Variants in ARHGEF12 observed in about 807,000 individuals in gnomAD.
The protein encoded by ARHGEF12 is KMT2A/ARHGEF12 fusion protein.
ARHGEF12 carries 66 observed loss-of-function variants against 211.2 expected under a neutral mutation model. The observed-to-expected ratio is 0.31, with a 90% confidence interval of 0.26 to 0.38. The LOEUF is 0.38. Ranked by LOEUF, ARHGEF12 falls within the 10% of genes least tolerant of loss-of-function variation. ARHGEF12 has a pLI of 1.00. For synonymous variants in ARHGEF12, 592 were observed against 638.4 expected (o/e 0.93, Z 1.09); for missense variants, 1,429 against 1,869.5 (o/e 0.76, Z 4.34).
chr11:120,483,567 G>A (rs1220946458), intron 39 of ARHGEF12, among the ~76,000 whole-genome samples: 2 of 151,674 alleles, frequency 1.3e-5, no homozygotes, highest in African/African-American at 4.8e-5. Context: ...GGGATTACAG[G>A]TGCCCGCCAC....
intron 8 of ARHGEF12, among the ~76,000 whole-genome samples, chr11:120,429,176 G>A (rs1945449987): frequency 6.6e-6 from 1 of 152,150 alleles, no homozygotes; most frequent in Admixed American, 6.5e-5. Context: ...CTTATACTAA[G>A]ACAACTTCAT....
At chr11:120,369,184 A>G (rs979577272) in intron 1 of ARHGEF12, among the ~76,000 whole-genome samples, 25 of 138,280 alleles carry the variant, frequency 1.8e-4, no homozygotes, top group Admixed American at 8.1e-5. Context: ...TCTGGAGTGC[A>G]GTGGCATGAT....
At position 120,429,454 on chromosome 11, in the gene ARHGEF12, G is replaced by T. The variant is rs1945460508; in HGVS notation, c.600G>T (p.Val200=). ...TTCTTTTCTAGGAGGAAAACAATGT[G>T]GTTCATAACCAGAAAGTAGAAATTC... is the stretch of plus-strand genomic sequence containing the variant. ...SPVLMGEENN[V]VHNQKVEILR... is the part of the protein sequence containing the mutation. Residue 200 remains valine, a synonymous_variant, in exon 9 of 41, where the codon GTG becomes GTT. Transcript: ENST00000397843. The T allele has an allele frequency of 1.1e-5, 17 of 1,612,860 alleles. No individual in the cohort carries two copies. The highest frequency in any genetic ancestry group is 1.4e-5 in the Non-Finnish European group (17 of 1,179,350).
At position 120,481,325 on chromosome 11, in the gene ARHGEF12, T is replaced by C. The variant is rs1565517853; in HGVS notation, c.4303T>C (p.Ser1435Pro). 1 of 1,614,160 alleles carries C rather than the reference T, an allele frequency of 6.2e-7. No homozygotes were observed. Residue 1435 changes from serine to proline, a missense_variant, in exon 39 of 41, where the codon TCC (serine) becomes CCC (proline). Physicochemically the swap from Ser to Pro is moderately conservative, Grantham distance 74. Around this residue, in one of 7 missense-constraint regions of ARHGEF12, gnomAD observed 467 missense variants for 468.4 expected, o/e 1.00. Coordinates refer to ENST00000397843, the MANE Select transcript of ARHGEF12 (RefSeq NM_015313.3). ...GAGTTCCACAGATGAGGAGGTTGCTTCCTCACTTACCCTGCAGCCCATGAC... is the reference window on the plus strand; with the variant it reads ...GAGTTCCACAGATGAGGAGGTTGCTCCCTCACTTACCCTGCAGCCCATGAC... ...QESSTDEEVASSLTLQPMTGI... is the reference protein window; with the variant it reads ...QESSTDEEVAPSLTLQPMTGI...
At position 120,481,407 on chromosome 11, in the gene ARHGEF12, A is replaced by G. The variant is rs747277565; in HGVS notation, c.4385A>G (p.His1462Arg). ...CAGCAACATTCTCCTCAGAATACTC[A>G]CTCCGATGGGGCAATTTCACCATTC... ...HQQQHSPQNT[H>R]SDGAISPFTP... Residue 1462 changes from histidine (H) to arginine (R), a missense_variant, in exon 39 of 41, where the codon CAC becomes CGC. Around this residue, in one of 7 missense-constraint regions of ARHGEF12, gnomAD observed 467 missense variants for 468.4 expected, o/e 1.00. Coordinates refer to ENST00000397843, the MANE Select transcript of ARHGEF12 (RefSeq NM_015313.3). 1.5e-5 allele frequency: 25 copies of G among 1,613,906 alleles called. No individual in the cohort carries two copies. Among genetic ancestry groups the G allele is most frequent in the South Asian group, 9.9e-5 (9 of 91,074 alleles).
At position 120,420,870 on chromosome 11, in the gene ARHGEF12, C is replaced by G; in HGVS notation, c.298+19C>G. On this transcript the variant is annotated intron_variant, in intron 5 of 40. Coordinates refer to ENST00000397843, the MANE Select transcript of ARHGEF12 (RefSeq NM_015313.3). ...AAAGAAGGCAAGGCATTTTAAAAAACAATTTATCACTCAGTAAACAGAGTA... is the reference window on the plus strand; with the variant it reads ...AAAGAAGGCAAGGCATTTTAAAAAAGAATTTATCACTCAGTAAACAGAGTA... 1 of 1,586,264 alleles carries G rather than the reference C, an allele frequency of 6.3e-7. No homozygotes were observed. The highest frequency in any genetic ancestry group is 8.7e-7 in the Non-Finnish European group (1 of 1,155,562).
chr11:120,359,145 A>G (rs189867503), intron 1 of ARHGEF12, among the ~76,000 whole-genome samples: 52 of 152,242 alleles, frequency 3.4e-4, no homozygotes, highest in African/African-American at 1.2e-3. Context: ...CATCATTTCT[A>G]TAATCTGTTG....
chr11:120,476,723 G>A lies in ARHGEF12; in HGVS notation c.3340G>A (p.Ala1114Thr). 6.2e-7 allele frequency: 1 copy of A among 1,612,726 alleles called. No individual in the cohort carries two copies. The highest frequency in any genetic ancestry group is 8.5e-7 in the Non-Finnish European group (1 of 1,179,364). The stretch of plus-strand genomic sequence containing the variant: ...TGGCGCTCAGATTTATGAACTGGTG[G>A]CACAGACAGTTTCTGAAAAGACTGT... Reference protein sequence around the residue: ...DNGAQIYELVAQTVSEKTVWQ... With the variant: ...DNGAQIYELVTQTVSEKTVWQ... Residue 1114 changes from alanine (A) to threonine (T), a missense_variant, in exon 34 of 41, where the codon GCA (alanine) becomes ACA (threonine). Ala to Thr is a moderately conservative substitution (Grantham distance 58). Coordinates refer to ENST00000397843, the MANE Select transcript of ARHGEF12 (RefSeq NM_015313.3).
intron 29 of ARHGEF12, among the ~76,000 whole-genome samples, chr11:120,468,122 C>T (rs1231904748): frequency 2.0e-5 from 3 of 152,156 alleles, no homozygotes; most frequent in African/African-American, 7.2e-5. Context: ...GGTGTAATTC[C>T]AACTCTCCCG....
rs1555089979 is a variant in ARHGEF12 at position 120,347,151 on chromosome 11, C to CCTTT, written c.32+9879_32+9880insTCTT. 2.6e-4 allele frequency among the ~76,000 whole-genome samples: 15 copies of CCTTT among 58,512 alleles called. No individual in the cohort carries two copies. The South Asian group carries it at 4.2e-3, about 16-fold the overall frequency. 38.4% of individuals were successfully genotyped at this position (58,512 alleles called of 152,430 possible). On this transcript the variant is annotated intron_variant, in intron 1 of 40. Coordinates refer to ENST00000397843, the MANE Select transcript of ARHGEF12 (RefSeq NM_015313.3). ...TCTTTCTTTCCTTCCTTCCTTCCTT[C>CCTTT]CTTCCTTCCTTCCTTCCTTCCTTCC...
chr11:120,366,816 A>G (rs1943434615), intron 1 of ARHGEF12, among the ~76,000 whole-genome samples: 1 of 152,178 alleles, frequency 6.6e-6, no homozygotes, highest in Non-Finnish European at 1.5e-5. Flanking sequence ...GGAGTTCAAG[A>G]CCAGCCTGGC....
At chr11:120,395,056 CAA>C (rs758953056) in intron 1 of ARHGEF12, among the ~76,000 whole-genome samples, 26 of 34,608 alleles carry the variant, frequency 7.5e-4, no homozygotes, top group African/African-American at 2.6e-3. Context: ...GACTCTATCT[CAA>C]AAAAAAAAAA....
chr11:120,389,224 G>T (rs942218606), intron 1 of ARHGEF12, among the ~76,000 whole-genome samples: 1 of 152,122 alleles, frequency 6.6e-6, no homozygotes, highest in Admixed American at 6.5e-5. Context: ...CCTGTGGCTT[G>T]TATTTTCATT....
At chr11:120,421,499 A>G (rs1325012526) in intron 5 of ARHGEF12, among the ~76,000 whole-genome samples, 2 of 137,100 alleles carry the variant, frequency 1.5e-5, no homozygotes, top group African/African-American at 5.6e-5. Context: ...GTGCAGTGGC[A>G]CAATCTAGGC....
Position 120,396,430 on chromosome 11 carries a change from C to T in ARHGEF12, c.33-9688C>T, listed in dbSNP as rs1012761053. 2.0e-5 allele frequency among the ~76,000 whole-genome samples: 3 copies of T among 152,150 alleles called. No homozygotes were observed. The East Asian group carries it at 5.8e-4, about 29-fold the overall frequency. ...AATAACTTTACAGGGAGACGTCGAG[C>T]AACCACTCCCTTAACCAAATGACCA... On this transcript the variant is annotated intron_variant, in intron 1 of 40. Transcript: ENST00000397843.
chr11:120,364,658 A>C (rs1329363128), intron 1 of ARHGEF12, among the ~76,000 whole-genome samples: 1 of 152,182 alleles, frequency 6.6e-6, no homozygotes, highest in Non-Finnish European at 1.5e-5. Context: ...ATTTGATAAA[A>C]TATATGTAAG....
At chr11:120,441,604 G>T in intron 13 of ARHGEF12, 103 bp from the exon 14 acceptor site, 1 of 798,872 alleles carries the variant, frequency 1.3e-6, no homozygotes. Context: ...ATTTTTTATA[G>T]GGAGATCAAA....
chr11:120,438,615 A>C (rs939383867), intron 12 of ARHGEF12: 1 of 152,248 alleles, frequency 6.6e-6, no homozygotes, highest in Non-Finnish European at 1.5e-5. Flanking sequence ...GGATCTGTTT[A>C]TACAACTTCA....
chr11:120,398,867 G>A (rs1018896055), intron 1 of ARHGEF12, among the ~76,000 whole-genome samples: 21 of 151,558 alleles, frequency 1.4e-4, no homozygotes, highest in African/African-American at 4.1e-4. Flanking sequence ...TTTTATATTC[G>A]TATAACCTCT....
Sources: allele counts gnomAD v4.1 joint callset (sites outside exome capture counted in the v4.1 genomes callset), GRCh38; gene constraint gnomAD v4.1.1; regional missense constraint gnomAD v4.1.1; transcripts MANE v1.5; gene names NCBI Gene and HGNC (gene_info 2026-07-23, HGNC 2026-07-21).